The following GMDS variants were observed in gnomAD, a reference collection of about 807,000 sequenced individuals.
GMDS encodes the protein GDP-mannose 4,6 dehydratase.
A neutral mutation model predicts 49.9 loss-of-function variants in GMDS; 20 were observed. The observed-to-expected ratio is 0.40, with a 90% CI of 0.28 to 0.58. The LOEUF (loss-of-function observed/expected upper bound fraction) is 0.58. GMDS is among the 20% of genes least tolerant of loss of function. The pLI is 0.42. For synonymous variants in GMDS, 177 were observed against 178.6 expected, an observed-to-expected ratio of 0.99 and a Z score of 0.07; for missense variants, 362 against 481.4, an observed-to-expected ratio of 0.75 and a Z score of 2.32.
chr6:1,875,118 T>A (rs1561858918), intron 7 of GMDS, among the ~76,000 whole-genome samples: 1 of 152,088 alleles, frequency 6.6e-6, no homozygotes, highest in Non-Finnish European at 1.5e-5. Context: ...TATTCTTGGG[T>A]ATATAAAATT....
intron 7 of GMDS, among the ~76,000 whole-genome samples, chr6:1,755,998 T>C (rs1229097189): frequency 6.6e-6 from 1 of 152,246 alleles, no homozygotes; most frequent in Non-Finnish European, 1.5e-5. Flanking sequence ...TGAAAAATTT[T>C]GCAATCTATC....
In GMDS at chr6:2,228,000, G is replaced by A. The variant is rs147269249; in HGVS notation, c.102+17321C>T. Among the ~76,000 whole-genome samples the A allele has an allele frequency of 7.3e-4, 111 of 152,318 alleles. 1 individual carries two copies. Among genetic ancestry groups the A allele is most frequent in the African/African-American group, 2.4e-3 (100 of 41,568 alleles). ...TGGCCCAAGCCTGTGCTGGGTCTAC[G>A]CAGTGAAGTACAAGGTAAAAAGAAG... On this transcript the variant is annotated intron_variant, in intron 1 of 10. Coordinates refer to ENST00000380815, the MANE Select transcript of GMDS (RefSeq NM_001500.4).
At chr6:1,993,968 C>T (rs1766117785) in intron 4 of GMDS, among the ~76,000 whole-genome samples, 1 of 152,228 alleles carries the variant, frequency 6.6e-6, no homozygotes, top group Non-Finnish European at 1.5e-5. Context: ...ACACCTCCCA[C>T]CACACTTTTC....
At chr6:1,695,929 T>G (rs1337652901) in intron 9 of GMDS, among the ~76,000 whole-genome samples, 3 of 151,030 alleles carry the variant, frequency 2.0e-5, no homozygotes, top group African/African-American at 7.3e-5. Context: ...TTTTCTTTTT[T>G]TTTTTTTTTA....
At chr6:1,828,921 G>A (rs77614191) in intron 7 of GMDS, among the ~76,000 whole-genome samples, 47 of 152,246 alleles carry the variant, frequency 3.1e-4, no homozygotes, top group African/African-American at 9.1e-4. Flanking sequence ...TACTAATTCC[G>A]ACTGTTGACT....
At chr6:1,958,020 G>T (rs553081817) in intron 6 of GMDS, among the ~76,000 whole-genome samples, 10 of 151,782 alleles carry the variant, frequency 6.6e-5, no homozygotes, top group Admixed American at 2.0e-4. Context: ...TGCCCAGGCT[G>T]GTCCCAAACT....
intron 1 of GMDS, among the ~76,000 whole-genome samples, chr6:2,144,830 A>G (rs932464515): frequency 6.6e-6 from 1 of 152,250 alleles, no homozygotes; most frequent in Non-Finnish European, 1.5e-5. Flanking sequence ...GTGACTGCAC[A>G]AAGTAAGGCC....
At chr6:2,230,095 A>T (rs1005921191) in intron 1 of GMDS, among the ~76,000 whole-genome samples, 1 of 147,084 alleles carries the variant, frequency 6.8e-6, no homozygotes, top group Non-Finnish European at 1.5e-5. Context: ...TCCTCTGAAG[A>T]CCCCTCTCCA....
At chr6:1,659,542 G>A (rs1763997974) in intron 9 of GMDS, among the ~76,000 whole-genome samples, 1 of 152,138 alleles carries the variant, frequency 6.6e-6, no homozygotes, top group South Asian at 2.1e-4. Flanking sequence ...GATAGGTTCA[G>A]GCAAGGAAGG....
intron 1 of GMDS, among the ~76,000 whole-genome samples, chr6:2,206,095 C>G (rs1362458090): frequency 2.0e-5 from 3 of 152,074 alleles, no homozygotes; most frequent in Non-Finnish European, 4.4e-5. Flanking sequence ...CATGTCTCTA[C>G]TAAAAATACA....
At chr6:1,637,471 C>T (rs1369432828) in intron 9 of GMDS, among the ~76,000 whole-genome samples, 3 of 152,254 alleles carry the variant, frequency 2.0e-5, no homozygotes, top group East Asian at 3.8e-4. Context: ...GGAGCTGTCA[C>T]CTGTGCCAAG....
chr6:2,068,049 T>G (rs1287253234), intron 4 of GMDS, among the ~76,000 whole-genome samples: 3 of 148,750 alleles, frequency 2.0e-5, no homozygotes, highest in Non-Finnish European at 4.5e-5. Flanking sequence ...CAGCAGCACA[T>G]CAAAAAGCTT....
chr6:1,986,853 C>T (rs755839970), intron 4 of GMDS, among the ~76,000 whole-genome samples: 1 of 152,112 alleles, frequency 6.6e-6, no homozygotes. Context: ...CTTTAAGCTA[C>T]ACAGAATGAG....
chr6:1,972,937 A>G (rs1323830811), intron 4 of GMDS, among the ~76,000 whole-genome samples: 1 of 152,222 alleles, frequency 6.6e-6, no homozygotes, highest in Non-Finnish European at 1.5e-5. Flanking sequence ...TATTCTGAGA[A>G]TATCCATACA....
chr6:1,916,540 AAG>A (rs952850235), intron 7 of GMDS, among the ~76,000 whole-genome samples: 4 of 152,152 alleles, frequency 2.6e-5, no homozygotes, highest in South Asian at 4.2e-4. Flanking sequence ...GAGTGAAAGA[AAG>A]AGAGAGAGAC....
chr6:1,889,837 G>C (rs981506259), intron 7 of GMDS, among the ~76,000 whole-genome samples: 1 of 152,062 alleles, frequency 6.6e-6, no homozygotes. Flanking sequence ...TTGTGTTCTG[G>C]ACATTTCATA....
At chr6:1,658,048 G>C (rs1581421413) in intron 9 of GMDS, among the ~76,000 whole-genome samples, 2 of 152,266 alleles carry the variant, frequency 1.3e-5, no homozygotes, top group East Asian at 3.9e-4. Flanking sequence ...GGGAGTGCCG[G>C]GGGTGTGTGT....
chr6:2,199,669 GC>G (rs2127574925), intron 1 of GMDS, among the ~76,000 whole-genome samples: 1 of 152,188 alleles, frequency 6.6e-6, no homozygotes, highest in African/African-American at 2.4e-5. Flanking sequence ...TTAATGCAAT[GC>G]CCCAAGCTCA....
intron 1 of GMDS, among the ~76,000 whole-genome samples, chr6:2,131,194 A>T (rs1311463987): frequency 6.6e-6 from 1 of 152,212 alleles, no homozygotes; most frequent in Non-Finnish European, 1.5e-5. Flanking sequence ...AGGAATTCAC[A>T]TCTTTGCACA....
Sources: allele counts gnomAD v4.1 joint callset (sites outside exome capture counted in the v4.1 genomes callset), GRCh38; gene constraint gnomAD v4.1.1; transcripts MANE v1.5; gene names NCBI Gene and HGNC (gene_info 2026-07-23, HGNC 2026-07-21).